Variants in ZNF85 observed in about 807,000 individuals in gnomAD.
ZNF85 encodes zinc finger protein 85 (HPF4, HTF1).
A neutral mutation model predicts 53.9 loss-of-function variants in ZNF85; 50 were observed. The ratio of observed to expected loss-of-function variants is 0.93; its 90% CI spans 0.74 to 1.17. ZNF85 has a LOEUF of 1.17. Among genes scored for constraint, ZNF85 ranks in the 50% most tolerant of loss-of-function variants. The probability of loss-of-function intolerance (pLI) is 0.00; values close to 1 mark genes in which losing one functional copy is unlikely to be tolerated. For missense variants in ZNF85, 747 were observed against 688.5 expected, an observed-to-expected ratio of 1.08 and a Z score of -0.95; for synonymous variants, 225 against 226.1, an observed-to-expected ratio of 1.00 and a Z score of 0.04.
Position 20,949,205 on chromosome 19 carries a change from A to T in ZNF85, c.691A>T (p.Lys231Ter). Residue 231 changes from lysine to a stop codon, truncating the protein, a stop_gained, in exon 4 of 4, where the codon AAA (lysine) becomes TAA (stop). Coordinates refer to ENST00000328178, the MANE Select transcript of ZNF85 (RefSeq NM_003429.5). LOFTEE classifies it high-confidence loss of function. ...KRIHTGEKPY[K>*]CEECGKAFNQ... ...AATTCATACGGGAGAGAAACCTTAC[A>T]AATGTGAAGAATGTGGTAAAGCCTT... 1 of 1,613,336 alleles carries T rather than the reference A, an allele frequency of 6.2e-7. No homozygotes were observed. Among genetic ancestry groups the T allele is most frequent in the South Asian group, 1.1e-5 (1 of 91,042 alleles).
At chr19:20,946,300 G>A (rs1001990566) in intron 3 of ZNF85, 3 of 407,492 alleles carry the variant, frequency 7.4e-6, no homozygotes, top group Non-Finnish European at 1.4e-5. Context: ...GTCCTAACAG[G>A]TTGTCTATCA....
intron 3 of ZNF85, among the ~76,000 whole-genome samples, chr19:20,937,568 C>T (rs1973189209): frequency 1.3e-5 from 2 of 152,170 alleles, no homozygotes; most frequent in African/African-American, 2.4e-5. Flanking sequence ...ATAAGGCAGA[C>T]ACTAGGGCAG....
chr19:20,950,649 C>T lies in ZNF85; in HGVS notation c.*347C>T, dbSNP rs1045536354. ...TGGAAAAGCCGTTAATATCTGCTCA[C>T]ATCTTACTCAGCATCAGAAAGTACT... On this transcript the variant is annotated 3_prime_UTR_variant, in exon 4 of 4. Transcript: ENST00000328178. 1.7e-5 allele frequency: 3 copies of T among 181,586 alleles called. No homozygotes were observed. The highest frequency in any genetic ancestry group is 3.4e-5 in the Non-Finnish European group (3 of 88,222). 11.2% of individuals were successfully genotyped at this position (181,586 alleles called of 1,614,324 possible).
intron 1 of ZNF85, among the ~76,000 whole-genome samples, chr19:20,931,844 G>T (rs111564724): frequency 0.012 from 1,823 of 151,980 alleles, 34 homozygotes; most frequent in African/African-American, 0.035. Flanking sequence ...TCTGACCTCA[G>T]GATCTGCCTG....
intron 3 of ZNF85, chr19:20,945,444 C>T (rs569517479): frequency 6.6e-6 from 1 of 152,120 alleles, no homozygotes; most frequent in East Asian, 1.9e-4. Context: ...CAGAATATTT[C>T]CTGCTTTTTG....
At chr19:20,943,471 T>A (rs1281984440) in intron 3 of ZNF85, 1 of 152,272 alleles carries the variant, frequency 6.6e-6, no homozygotes, top group East Asian at 1.9e-4. Context: ...CTTCCACCAT[T>A]GTGGAAGCTT....
At chr19:20,933,642 A>C (rs1167245397) in intron 1 of ZNF85, among the ~76,000 whole-genome samples, 1 of 152,070 alleles carries the variant, frequency 6.6e-6, no homozygotes, top group African/African-American at 2.4e-5. Context: ...TTCTAACTCA[A>C]CCTGTCTTTT....
chr19:20,929,005 T>G (rs67493653), intron 1 of ZNF85, among the ~76,000 whole-genome samples: 8 of 152,052 alleles, frequency 5.3e-5, no homozygotes, highest in Non-Finnish European at 1.2e-4. Flanking sequence ...CAAACCAATA[T>G]TTATTCAAAT....
chr19:20,934,733 C>T (rs1233522113), intron 2 of ZNF85, among the ~76,000 whole-genome samples: 7 of 148,428 alleles, frequency 4.7e-5, no homozygotes, highest in South Asian at 2.1e-4. Flanking sequence ...GCTGAGATCA[C>T]GCCATTGCAC....
chr19:20,946,322 G>A (rs541299608), intron 3 of ZNF85: 33 of 423,314 alleles, frequency 7.8e-5, no homozygotes, highest in Middle Eastern at 6.9e-4. Context: ...AAAGAATGTC[G>A]TATGAGCTAT....
rs1973522191 is a variant in ZNF85, at chr19:20,949,625, A to T, written c.1111A>T (p.Lys371Ter). ...AATTCATACTGGAGAGAAACCCTAC[A>T]AATGTGAAAAATGTGGAAAAGCCTT... ...EVIHTGEKPYKCEKCGKAFNH... is the reference protein window; with the variant it reads ...EVIHTGEKPY Residue 371 changes from lysine to a stop codon, truncating the protein, a stop_gained, in exon 4 of 4, where the codon AAA becomes TAA. Coordinates refer to ENST00000328178, the MANE Select transcript of ZNF85 (RefSeq NM_003429.5). LOFTEE classifies it high-confidence loss of function. 2 of 1,602,702 alleles carry T rather than the reference A, an allele frequency of 1.2e-6. No homozygotes were observed. Among genetic ancestry groups the T allele is most frequent in the African/African-American group, 2.7e-5 (2 of 74,332 alleles).
At chr19:20,946,606 T>C (rs901744863) in intron 3 of ZNF85, among the ~76,000 whole-genome samples, 2 of 140,238 alleles carry the variant, frequency 1.4e-5, no homozygotes, top group East Asian at 2.0e-4. Flanking sequence ...CACAAATGTA[T>C]ATAGAAATTT....
At chr19:20,924,319 T>A (rs1972831115) in intron 1 of ZNF85, among the ~76,000 whole-genome samples, 1 of 152,234 alleles carries the variant, frequency 6.6e-6, no homozygotes, top group Admixed American at 6.5e-5. Context: ...TCTGGTTATG[T>A]GATCAGAATT....
chr19:20,926,271 T>G (rs1972878035), intron 1 of ZNF85, among the ~76,000 whole-genome samples: 1 of 152,226 alleles, frequency 6.6e-6, no homozygotes, highest in African/African-American at 2.4e-5. Context: ...TTATCTTGAT[T>G]TTTAAGTTTC....
At chr19:20,943,151 T>G in intron 3 of ZNF85, 1 of 322,260 alleles carries the variant, frequency 3.1e-6, no homozygotes, top group Non-Finnish European at 5.6e-6. Context: ...TGTTGTGTAT[T>G]CTCTTGCTTT....
In ZNF85 at chr19:20,949,728, A is replaced by G. The variant is rs778768749; in HGVS notation, c.1214A>G (p.Lys405Arg). The change falls in exon 4 of 4, where the codon AAA becomes AGA. Residue 405 changes from lysine to arginine, a missense_variant. By Grantham distance (26) the Lys-to-Arg change is conservative (BLOSUM62 2). Transcript: ENST00000328178. The stretch of plus-strand genomic sequence containing the variant: ...CCTTACAAATGTAAAGAATGTGGTA[A>G]AGCTTTTAAACACTCTTCAACCCTT... Reference protein sequence around the residue: ...EKPYKCKECGKAFKHSSTLTK... With the variant: ...EKPYKCKECGRAFKHSSTLTK... 5 of 1,612,904 alleles carry G rather than the reference A, an allele frequency of 3.1e-6. No homozygotes were observed. The highest frequency in any genetic ancestry group is 4.2e-6 in the Non-Finnish European group (5 of 1,179,384).
In ZNF85 at chr19:20,924,091, A is replaced by G. The variant is rs550418305; in HGVS notation, c.3+688A>G. Among the ~76,000 whole-genome samples, 3 of 152,192 alleles carry G rather than the reference A, an allele frequency of 2.0e-5. No homozygotes were observed. In the East Asian group the frequency reaches 5.8e-4, roughly 29 times the overall value. Reference sequence around the variant, plus strand: ...TAAGAGTGAAACTCCGTCTCAAAAAAAAAAAAAAAAGATGTATAGGAGTCA... The same window carrying G: ...TAAGAGTGAAACTCCGTCTCAAAAAGAAAAAAAAAAGATGTATAGGAGTCA... On this transcript the variant is annotated intron_variant, in intron 1 of 3. Coordinates refer to ENST00000328178, the MANE Select transcript of ZNF85 (RefSeq NM_003429.5).
chr19:20,936,543 T>A (rs530516823), intron 3 of ZNF85: 1 of 152,526 alleles, frequency 6.6e-6, no homozygotes, highest in Non-Finnish European at 1.5e-5. Context: ...CCGGTTTCCA[T>A]TGGCTACAAC....
intron 1 of ZNF85, among the ~76,000 whole-genome samples, chr19:20,926,175 G>A (rs1972876018): frequency 6.6e-6 from 1 of 152,070 alleles, no homozygotes; most frequent in Non-Finnish European, 1.5e-5. Context: ...GTATATAATT[G>A]GTGAGTTACA....
Sources: gnomAD v4.1 joint callset for allele counts (sites outside exome capture counted in the v4.1 genomes callset) on GRCh38, gnomAD v4.1.1 for gene constraint, MANE v1.5 for transcripts, NCBI Gene and HGNC (gene_info 2026-07-23, HGNC 2026-07-21) for gene names.